Variants in PLEKHM3 observed in about 807,000 individuals in gnomAD.
PLEKHM3 encodes pleckstrin homology domain containing M3.
Under a neutral mutation model 81.8 loss-of-function variants are expected in PLEKHM3, and 45 were observed. The observed-to-expected ratio is 0.55, with a 90% CI of 0.43 to 0.71. The LOEUF (loss-of-function observed/expected upper bound fraction) is 0.71, where lower values mean the gene tolerates loss of function less well. Among genes scored for constraint, PLEKHM3 ranks in the 30% least tolerant of loss-of-function variants. The probability of loss-of-function intolerance (pLI) is 0.00; values close to 1 mark genes in which losing one functional copy is unlikely to be tolerated. For missense variants in PLEKHM3, 788 were observed against 924.3 expected (o/e 0.85, Z 1.91); for synonymous variants, 352 against 356.4 (o/e 0.99, Z 0.14).
chr2:207,857,142 A>G (rs143877346), intron 7 of PLEKHM3, among the ~76,000 whole-genome samples: 163 of 152,334 alleles, frequency 1.1e-3, no homozygotes, highest in African/African-American at 3.7e-3. Context: ...TGGACAGAGA[A>G]GTGTTGAAGG....
chr2:207,970,284 ACTCT>A (rs148855811), intron 3 of PLEKHM3, among the ~76,000 whole-genome samples: 11 of 150,016 alleles, frequency 7.3e-5, no homozygotes, highest in South Asian at 2.1e-4. Flanking sequence ...CAAAAATGAA[ACTCT>A]CTCTCTCTCA....
chr2:207,930,282 T>C (rs907176992), intron 5 of PLEKHM3, among the ~76,000 whole-genome samples: 9 of 152,076 alleles, frequency 5.9e-5, no homozygotes, highest in South Asian at 2.1e-4. Context: ...TTTGTTTCTG[T>C]ACAGAAAATA....
At chr2:207,832,558 G>A (rs1019977779) in intron 7 of PLEKHM3, among the ~76,000 whole-genome samples, 31 of 152,220 alleles carry the variant, frequency 2.0e-4, no homozygotes, top group African/African-American at 7.2e-4. Context: ...TTGGGAGGCT[G>A]AGGCAGGTGG....
intron 6 of PLEKHM3, among the ~76,000 whole-genome samples, chr2:207,882,425 A>G (rs1202630961): frequency 6.6e-6 from 1 of 151,940 alleles, no homozygotes; most frequent in Non-Finnish European, 1.5e-5. Flanking sequence ...CAGCCTCACC[A>G]ACATGGTGAA....
chr2:208,003,880 C>G (rs1223987319), intron 1 of PLEKHM3, among the ~76,000 whole-genome samples: 1 of 152,032 alleles, frequency 6.6e-6, no homozygotes, highest in Non-Finnish European at 1.5e-5. Flanking sequence ...CTGAAATGAA[C>G]ATAAACAAAG....
chr2:208,023,162 T>TA (rs1559288567), intron 1 of PLEKHM3, among the ~76,000 whole-genome samples: 2 of 151,916 alleles, frequency 1.3e-5, no homozygotes, highest in South Asian at 4.1e-4. Flanking sequence ...TTTTTTTTTT[T>TA]ATGACATGGT....
chr2:208,004,517 A>G (rs912191307), intron 1 of PLEKHM3, among the ~76,000 whole-genome samples: 1 of 152,176 alleles, frequency 6.6e-6, no homozygotes, highest in Non-Finnish European at 1.5e-5. Context: ...AGACAAGGAA[A>G]TTGGCCTTTG....
At chr2:207,925,279 C>T (rs540020136) in intron 5 of PLEKHM3, among the ~76,000 whole-genome samples, 52 of 151,912 alleles carry the variant, frequency 3.4e-4, no homozygotes, top group Non-Finnish European at 6.6e-4. Context: ...ACTGATGGGC[C>T]AGAGTCCGCA....
At chr2:207,854,741 A>G (rs1367950502) in intron 7 of PLEKHM3, among the ~76,000 whole-genome samples, 1 of 152,234 alleles carries the variant, frequency 6.6e-6, no homozygotes, top group African/African-American at 2.4e-5. Flanking sequence ...GTACAAGCTT[A>G]GAGAACTGCA....
chr2:207,869,850 C>A (rs553461913), intron 6 of PLEKHM3: 1 of 152,326 alleles, frequency 6.6e-6, no homozygotes, highest in African/African-American at 2.4e-5. Context: ...CCTGGTTGAA[C>A]TTCCAGCTCA....
At chr2:207,968,327 A>G (rs903766379) in intron 3 of PLEKHM3, among the ~76,000 whole-genome samples, 4 of 152,088 alleles carry the variant, frequency 2.6e-5, no homozygotes, top group Non-Finnish European at 5.9e-5. Flanking sequence ...GCAAAAGCCA[A>G]GGAGATTTTC....
chr2:207,908,721 C>G (rs1688707779), intron 5 of PLEKHM3, 144 bp from the exon 6 acceptor site: 4 of 636,574 alleles, frequency 6.3e-6, no homozygotes, highest in Admixed American at 7.4e-5. Context: ...TCTGAGGAAC[C>G]TGTAATATCT....
intron 5 of PLEKHM3, among the ~76,000 whole-genome samples, chr2:207,924,291 T>C (rs2105928198): frequency 1.3e-5 from 2 of 152,128 alleles, no homozygotes; most frequent in Middle Eastern, 6.8e-3. Flanking sequence ...AACTAGTGAG[T>C]GATCTCCTCA....
At chr2:207,972,632 A>C (rs1691168230) in intron 3 of PLEKHM3, among the ~76,000 whole-genome samples, 1 of 151,978 alleles carries the variant, frequency 6.6e-6, no homozygotes, top group South Asian at 2.1e-4. Context: ...GGGGCTTCCT[A>C]AGCTCAGTGC....
At chr2:208,007,936 C>T (rs1029961186) in intron 1 of PLEKHM3, among the ~76,000 whole-genome samples, 2 of 152,114 alleles carry the variant, frequency 1.3e-5, no homozygotes, top group Non-Finnish European at 2.9e-5. Context: ...ACCTGTAGTC[C>T]CAGCTACTCG....
chr2:207,916,506 G>A (rs1204922432), intron 5 of PLEKHM3, among the ~76,000 whole-genome samples: 2 of 152,126 alleles, frequency 1.3e-5, no homozygotes, highest in Admixed American at 6.5e-5. Flanking sequence ...TTGGGAGGCC[G>A]AGGTAGATAG....
At chr2:208,004,598 G>A (rs73066707) in intron 1 of PLEKHM3, among the ~76,000 whole-genome samples, 8,260 of 151,974 alleles carry the variant, frequency 0.054, 720 homozygotes, top group African/African-American at 0.19. Context: ...GAGGCCCCAC[G>A]AGCACTTTCA....
At chr2:207,864,731 T>C (rs1359318469) in intron 6 of PLEKHM3, among the ~76,000 whole-genome samples, 1 of 152,186 alleles carries the variant, frequency 6.6e-6, no homozygotes. Context: ...TTCACCAAAT[T>C]TACACTGTTA....
intron 3 of PLEKHM3, among the ~76,000 whole-genome samples, chr2:207,947,257 A>T (rs1690166117): frequency 6.6e-6 from 1 of 152,260 alleles, no homozygotes; most frequent in Admixed American, 6.5e-5. Context: ...CACATGTATT[A>T]CCTCTCCTTA....
Sources: gnomAD v4.1 joint callset for allele counts (sites outside exome capture counted in the v4.1 genomes callset) on GRCh38, gnomAD v4.1.1 for gene constraint, MANE v1.5 for transcripts, NCBI Gene and HGNC (gene_info 2026-07-23, HGNC 2026-07-21) for gene names.